Variants in ASIC2 observed in about 807,000 individuals in gnomAD.
ASIC2 encodes the protein acid sensing ion channel subunit 2.
A neutral mutation model predicts 57.3 loss-of-function variants in ASIC2; 25 were observed. The ratio of observed to expected loss-of-function variants is 0.44; its 90% CI spans 0.32 to 0.61. The LOEUF (loss-of-function observed/expected upper bound fraction) is 0.61. Among genes scored for constraint, ASIC2 ranks in the 20% least tolerant of loss-of-function variants. ASIC2 has a pLI of 0.06. For missense variants in ASIC2, 641 were observed against 738.1 expected (o/e 0.87, Z 1.52); for synonymous variants, 319 against 307.5 (o/e 1.04, Z -0.39).
At chr17:33,863,892 C>CTTTTTTTTTTTTTT (rs771558000) in intron 1 of ASIC2, among the ~76,000 whole-genome samples, 1 of 133,422 alleles carries the variant, frequency 7.5e-6, no homozygotes. Context: ...ACAGTTACCT[C>CTTTTTTTTTTTTTT]TTTTTTTGTT....
At chr17:33,145,703 C>T (rs1427827052) in intron 1 of ASIC2, among the ~76,000 whole-genome samples, 2 of 152,198 alleles carry the variant, frequency 1.3e-5, no homozygotes, top group Non-Finnish European at 2.9e-5. Context: ...ATCCTTAACT[C>T]TTGAAGATGT....
intron 1 of ASIC2, among the ~76,000 whole-genome samples, chr17:33,757,413 C>T (rs113693995): frequency 3.3e-5 from 5 of 152,074 alleles, no homozygotes; most frequent in East Asian, 3.9e-4. Context: ...TGCTTGAGGT[C>T]GGGAGTTCGA....
chr17:33,579,993 C>T (rs1489171235), intron 1 of ASIC2: 1 of 152,034 alleles, frequency 6.6e-6, no homozygotes, highest in Non-Finnish European at 1.5e-5. Context: ...GTTTACAAAC[C>T]TCTAGCTAGA....
chr17:33,623,235 CG>C (rs1209543866), intron 1 of ASIC2, among the ~76,000 whole-genome samples: 1 of 76,410 alleles, frequency 1.3e-5, no homozygotes, highest in African/African-American at 6.1e-5. Flanking sequence ...CTTGTGATAT[CG>C]TTTTTTTTTG....
chr17:33,536,246 G>C (rs940269272), intron 1 of ASIC2, among the ~76,000 whole-genome samples: 6 of 152,148 alleles, frequency 3.9e-5, no homozygotes, highest in African/African-American at 1.4e-4. Flanking sequence ...TGGCTTGGCA[G>C]TCATTTTGGA....
At chr17:33,778,721 T>A (rs1377168652) in intron 1 of ASIC2, among the ~76,000 whole-genome samples, 1 of 152,098 alleles carries the variant, frequency 6.6e-6, no homozygotes, top group Non-Finnish European at 1.5e-5. Flanking sequence ...AGCCTCGACG[T>A]CCTCTCCAAG....
intron 1 of ASIC2, among the ~76,000 whole-genome samples, chr17:33,299,588 G>A (rs550770058): frequency 6.6e-5 from 10 of 152,024 alleles, no homozygotes; most frequent in Non-Finnish European, 1.5e-5. Context: ...TTTTTCTGGG[G>A]TCTTTTTTAG....
chr17:33,724,177 T>C (rs1225982265), intron 1 of ASIC2, among the ~76,000 whole-genome samples: 3 of 152,168 alleles, frequency 2.0e-5, no homozygotes, highest in African/African-American at 4.8e-5. Context: ...CCGGCTGCCA[T>C]ATAAGACATG....
intron 1 of ASIC2, among the ~76,000 whole-genome samples, chr17:33,999,679 T>C (rs1906272537): frequency 1.3e-5 from 2 of 152,180 alleles, no homozygotes; most frequent in African/African-American, 4.8e-5. Flanking sequence ...TTTATGTTAT[T>C]GATGTCACAA....
chr17:34,136,299 G>A (rs1362851764), intron 1 of ASIC2, among the ~76,000 whole-genome samples: 1 of 152,054 alleles, frequency 6.6e-6, no homozygotes, highest in African/African-American at 2.4e-5. Flanking sequence ...CATCTCTTAT[G>A]GGGAAAATTT....
chr17:33,947,739 A>T (rs1206304682), intron 1 of ASIC2, among the ~76,000 whole-genome samples: 1 of 152,236 alleles, frequency 6.6e-6, no homozygotes, highest in Non-Finnish European at 1.5e-5. Context: ...TAAAGCACAA[A>T]GATAAGTTGT....
At chr17:33,464,695 A>ATATG (rs1567621380) in intron 1 of ASIC2, among the ~76,000 whole-genome samples, 1 of 128,354 alleles carries the variant, frequency 7.8e-6, no homozygotes, top group Non-Finnish European at 1.6e-5. Context: ...CTCTATATAT[A>ATATG]TATATATATG....
At chr17:33,746,636 C>T (rs1910278175) in intron 1 of ASIC2, among the ~76,000 whole-genome samples, 1 of 151,814 alleles carries the variant, frequency 6.6e-6, no homozygotes, top group Non-Finnish European at 1.5e-5. Context: ...TGGTTAGAGG[C>T]TTTAATACCA....
chr17:33,102,937 C>T (rs2092218073), intron 2 of ASIC2, among the ~76,000 whole-genome samples: 1 of 152,116 alleles, frequency 6.6e-6, no homozygotes, highest in South Asian at 2.1e-4. Flanking sequence ...GCGCCCACCA[C>T]CACGCCCGGC....
chr17:33,454,565 A>G (rs1270559244), intron 1 of ASIC2, among the ~76,000 whole-genome samples: 2 of 152,262 alleles, frequency 1.3e-5, no homozygotes, highest in African/African-American at 4.8e-5. Flanking sequence ...GTAGGCAAAT[A>G]ACCTTTGGCT....
At chr17:33,283,389 C>A (rs1022128533) in intron 1 of ASIC2, among the ~76,000 whole-genome samples, 17 of 152,160 alleles carry the variant, frequency 1.1e-4, no homozygotes, top group Non-Finnish European at 1.6e-4. Flanking sequence ...AAATCTCAGG[C>A]CTTGCCCCAA....
chr17:33,037,389 CTT>C (rs35286664), intron 3 of ASIC2, among the ~76,000 whole-genome samples: 8 of 123,808 alleles, frequency 6.5e-5, no homozygotes, highest in East Asian at 2.4e-4. Context: ...ACTTCCCCCT[CTT>C]TTTTTTTTTT....
chr17:33,621,906 T>C (rs1208007264), intron 1 of ASIC2, among the ~76,000 whole-genome samples: 1 of 152,132 alleles, frequency 6.6e-6, no homozygotes, highest in Non-Finnish European at 1.5e-5. Flanking sequence ...TAAGTTGGGA[T>C]GATAATAGTA....
At chr17:33,663,742 G>C (rs559201368) in intron 1 of ASIC2, among the ~76,000 whole-genome samples, 3 of 152,128 alleles carry the variant, frequency 2.0e-5, no homozygotes, top group Non-Finnish European at 2.9e-5. Context: ...CTTGCCAACG[G>C]ATAGCAGGTT....
Sources: gnomAD v4.1 joint callset for allele counts (sites outside exome capture counted in the v4.1 genomes callset) on GRCh38, gnomAD v4.1.1 for gene constraint, MANE v1.5 for transcripts, NCBI Gene and HGNC (gene_info 2026-07-23, HGNC 2026-07-21) for gene names.